VRK2: variants seen among roughly 807,000 people sequenced by gnomAD.
The protein encoded by VRK2 is VRK serine/threonine kinase 2.
A neutral mutation model predicts 57.6 loss-of-function variants in VRK2; 60 were observed. That is an observed-to-expected ratio of 1.04 (90% confidence interval 0.85 to 1.29). The LOEUF is 1.29. VRK2 is among the 50% of genes most tolerant of loss of function. The pLI, the probability that VRK2 is intolerant of heterozygous loss-of-function variation, is 0.00. For synonymous variants in VRK2, 231 were observed against 199.2 expected (o/e 1.16, Z -1.35); for missense variants, 705 against 588.1 (o/e 1.20, Z -2.06).
chr2:58,030,025 G>A (rs1398369818), intron 2 of VRK2, among the ~76,000 whole-genome samples: 3 of 152,106 alleles, frequency 2.0e-5, no homozygotes, highest in Admixed American at 2.0e-4. Flanking sequence ...ACTCAGTTTA[G>A]CCTCAGAGTC....
upstream of VRK2, chr2:58,046,667 G>A: frequency 3.0e-6 from 3 of 985,610 alleles, no homozygotes; most frequent in Non-Finnish European, 3.6e-6. Flanking sequence ...AAAGGAACCG[G>A]CTGCGGCCTG....
At chr2:57,930,884 T>C (rs992022754) in intron 1 of VRK2, among the ~76,000 whole-genome samples, 3 of 152,196 alleles carry the variant, frequency 2.0e-5, no homozygotes, top group Admixed American at 2.0e-4. Flanking sequence ...TAATATAATA[T>C]CCTCCCGGTT....
intron 1 of VRK2, among the ~76,000 whole-genome samples, chr2:57,933,295 ATTTC>A (rs1670791840): frequency 1.4e-5 from 1 of 70,500 alleles, no homozygotes; most frequent in African/African-American, 7.1e-5. Flanking sequence ...GCTATTTCTT[ATTTC>A]TTTCTTTTTC....
intron 3 of VRK2, among the ~76,000 whole-genome samples, chr2:58,039,711 A>G (rs1674385538): frequency 6.6e-6 from 1 of 152,112 alleles, no homozygotes; most frequent in Non-Finnish European, 1.5e-5. Flanking sequence ...TATACACACA[A>G]TTTGAGTATA....
upstream of VRK2, among the ~76,000 whole-genome samples, chr2:58,041,847 C>T (rs1238491997): frequency 2.0e-5 from 3 of 152,190 alleles, no homozygotes; most frequent in African/African-American, 7.2e-5. Context: ...TTCCTTTCTG[C>T]TGATTCCAGG....
chr2:58,084,790 A>G, intron 3 of VRK2, 91 bp from the exon 4 acceptor site: 1 of 832,348 alleles, frequency 1.2e-6, no homozygotes, highest in Non-Finnish European at 1.9e-6. Context: ...TATATACTAC[A>G]TATATATGTT....
intron 2 of VRK2, among the ~76,000 whole-genome samples, chr2:58,066,377 A>G (rs1558587834): frequency 6.6e-6 from 1 of 152,152 alleles, no homozygotes. Context: ...GGTAGATGAC[A>G]TTGATTTTTG....
intron 7 of VRK2, among the ~76,000 whole-genome samples, chr2:58,119,503 C>T (rs974044406): frequency 1.3e-3 from 194 of 147,782 alleles, no homozygotes; most frequent in Non-Finnish European, 1.6e-3. Context: ...AAGCTTTTAG[C>T]ATGCCAAAGT....
chr2:57,960,922 A>G (rs1481148589), intron 1 of VRK2, among the ~76,000 whole-genome samples: 1 of 152,158 alleles, frequency 6.6e-6, no homozygotes, highest in Non-Finnish European at 1.5e-5. Context: ...ACATGTAACC[A>G]TTTCTGTTAC....
chr2:58,109,331 T>C (rs1478496486), intron 7 of VRK2, among the ~76,000 whole-genome samples: 1 of 152,072 alleles, frequency 6.6e-6, no homozygotes, highest in African/African-American at 2.4e-5. Context: ...GCTAAATAAC[T>C]TTGTACATTG....
At chr2:58,037,132 C>T (rs1381120820) in intron 3 of VRK2, among the ~76,000 whole-genome samples, 1 of 151,888 alleles carries the variant, frequency 6.6e-6, no homozygotes, top group Non-Finnish European at 1.5e-5. Context: ...GATAGGGTCT[C>T]ATCATGTTGC....
chr2:58,136,625 C>G lies in VRK2; in HGVS notation c.856+1426C>G, dbSNP rs534770804. On this transcript the variant is annotated intron_variant, in intron 10 of 12. Coordinates refer to ENST00000340157, the MANE Select transcript of VRK2 (RefSeq NM_006296.7). ...GGTCTCAAACTCCTGACCTCGTGAT[C>G]CCCCCCACCTTGCCCTCCCAAAGTG... 7.3e-5 allele frequency among the ~76,000 whole-genome samples: 11 copies of G among 151,484 alleles called. No individual in the cohort carries two copies. In the South Asian group the frequency reaches 2.1e-3, roughly 29 times the overall value.
chr2:57,932,645 A>C (rs1268274758), intron 1 of VRK2, among the ~76,000 whole-genome samples: 1 of 152,064 alleles, frequency 6.6e-6, no homozygotes, highest in East Asian at 1.9e-4. Flanking sequence ...TACTCTTTTA[A>C]TTAATCTTTT....
intron 1 of VRK2, among the ~76,000 whole-genome samples, chr2:58,009,515 T>C (rs1673354522): frequency 6.7e-6 from 1 of 149,560 alleles, no homozygotes. Context: ...AATAATACAA[T>C]TGACAGATCT....
intron 7 of VRK2, among the ~76,000 whole-genome samples, chr2:58,118,681 C>T (rs1040805291): frequency 9.0e-5 from 13 of 144,932 alleles, no homozygotes; most frequent in East Asian, 1.9e-4. Flanking sequence ...TCCCCCGATC[C>T]GAGTCATGGC....
At chr2:57,992,009 T>C (rs1672784378) in intron 1 of VRK2, among the ~76,000 whole-genome samples, 1 of 151,930 alleles carries the variant, frequency 6.6e-6, no homozygotes, top group South Asian at 2.1e-4. Context: ...GTCTTTATTA[T>C]TTTATCTTCA....
At chr2:57,914,506 C>T (rs765579406) in intron 1 of VRK2, among the ~76,000 whole-genome samples, 9 of 151,984 alleles carry the variant, frequency 5.9e-5, no homozygotes, top group South Asian at 2.1e-4. Context: ...TTATAGATGA[C>T]GACCTCTGCT....
chr2:57,914,430 C>T (rs1188636612), intron 1 of VRK2, among the ~76,000 whole-genome samples: 2 of 152,000 alleles, frequency 1.3e-5, no homozygotes, highest in Admixed American at 1.3e-4. Flanking sequence ...TTAACCTATA[C>T]AATTTAAAAA....
intron 7 of VRK2, among the ~76,000 whole-genome samples, chr2:58,113,263 T>G (rs886708969): frequency 1.3e-5 from 2 of 149,752 alleles, no homozygotes; most frequent in Non-Finnish European, 2.9e-5. Flanking sequence ...GAGCTGAGAC[T>G]GTGCCACTGC....
Sources: gnomAD v4.1 joint callset for allele counts (sites outside exome capture counted in the v4.1 genomes callset) on GRCh38, gnomAD v4.1.1 for gene constraint, MANE v1.5 for transcripts, NCBI Gene and HGNC (gene_info 2026-07-23, HGNC 2026-07-21) for gene names.